UNC45A: variants seen among roughly 807,000 people sequenced by gnomAD.
UNC45A encodes the protein protein unc-45 homolog A.
UNC45A carries 78 observed loss-of-function variants against 103.2 expected under a neutral mutation model. The ratio of observed to expected loss-of-function variants is 0.76; its 90% confidence interval spans 0.63 to 0.91. The LOEUF is 0.91. Ranked by LOEUF, UNC45A falls within the 40% of genes least tolerant of loss-of-function variation. The pLI, the probability that UNC45A is intolerant of heterozygous loss-of-function variation, is 0.00. For synonymous variants in UNC45A, 495 were observed against 504.6 expected (o/e 0.98, Z 0.25); for missense variants, 1,193 against 1,224.8 (o/e 0.97, Z 0.39).
upstream of UNC45A, chr15:90,934,806 T>G (rs1249855448): frequency 1.2e-5 from 5 of 403,716 alleles, no homozygotes; most frequent in African/African-American, 6.2e-5. Flanking sequence ...TATGCAAATG[T>G]GTGTATGTAA....
chr15:90,945,628 T>C (rs909928413), intron 9 of UNC45A, among the ~76,000 whole-genome samples: 23 of 133,154 alleles, frequency 1.7e-4, no homozygotes, highest in Non-Finnish European at 2.5e-4. Context: ...CCCAAAGTGC[T>C]GGGATTTTTT....
intron 8 of UNC45A, among the ~76,000 whole-genome samples, chr15:90,944,291 G>T (rs1422312527): frequency 6.6e-6 from 1 of 151,942 alleles, no homozygotes; most frequent in Non-Finnish European, 1.5e-5. Context: ...GGAGGCTGAG[G>T]CAGGAGAATC....
chr15:90,949,740 C>A lies in UNC45A; in HGVS notation c.2073+20C>A. Reference sequence around the variant, plus strand: ...GGCAGGGTAAGCTGGTTTACACACCCCTTCCTGATGGCTGAGCCATCAGCC... The same window carrying A: ...GGCAGGGTAAGCTGGTTTACACACCACTTCCTGATGGCTGAGCCATCAGCC... On this transcript the variant is annotated intron_variant, in intron 15 of 19. Transcript: ENST00000418476. The A allele has an allele frequency of 6.2e-7, 1 of 1,613,312 alleles. No homozygotes were observed. The highest frequency in any genetic ancestry group is 8.5e-7 in the Non-Finnish European group (1 of 1,179,380).
intron 15 of UNC45A, 96 bp downstream of exon 15, chr15:90,949,816 G>A (rs2036792349): frequency 4.5e-6 from 6 of 1,324,686 alleles, no homozygotes; most frequent in Non-Finnish European, 6.5e-6. Context: ...GTTAGATATG[G>A]AACAGAAAAA....
chr15:90,946,816 G>T lies in UNC45A; in HGVS notation c.1402G>T (p.Ala468Ser), dbSNP rs1455568048. ...VEALIHAAGK[A>S]KRASFITANG... ...GGCTCTGATCCATGCAGCCGGCAAG[G>T]CTAAGCGGGCCTCATTCATCACTGC... Residue 468 changes from alanine (A) to serine (S), a missense_variant, in exon 10 of 20, where the codon GCT becomes TCT. By Grantham distance (99) the Ala-to-Ser change is moderately conservative. Transcript: ENST00000418476. 11 of 1,614,108 alleles carry T rather than the reference G, an allele frequency of 6.8e-6. No individual in the cohort carries two copies. The highest frequency in any genetic ancestry group is 9.3e-6 in the Non-Finnish European group (11 of 1,180,048).
chr15:90,951,031 G>A (rs1241900716), intron 17 of UNC45A, among the ~76,000 whole-genome samples: 4 of 152,164 alleles, frequency 2.6e-5, no homozygotes, highest in South Asian at 2.1e-4. Flanking sequence ...TCTTTGAGAC[G>A]GAGTCTTGCT....
chr15:90,932,498 C>A, upstream of UNC45A: 1 of 1,304,160 alleles, frequency 7.7e-7, no homozygotes, highest in African/African-American at 1.5e-5. Flanking sequence ...TTGCGAGCCG[C>A]GAAGTCGGCA....
In UNC45A at chr15:90,940,484, T is replaced by C; in HGVS notation, c.687+11T>C. ...GAGCATCAGTCACGGGTAGGTGGAG[T>C]GGAGAGGCTGGTTACAGCTTCAGTC... On this transcript the variant is annotated intron_variant, in intron 6 of 19. Coordinates refer to ENST00000418476, the MANE Select transcript of UNC45A (RefSeq NM_018671.5). 1 of 1,605,630 alleles carries C rather than the reference T, an allele frequency of 6.2e-7. No individual in the cohort carries two copies. Among genetic ancestry groups the C allele is most frequent in the Non-Finnish European group, 8.5e-7 (1 of 1,174,300 alleles).
Position 90,954,034 on chromosome 15 carries a change from C to A in UNC45A, c.*318C>A. ...CTGGAAGGGCGCACACATCAGCAGC[C>A]TCACCAGCTGTGAGCCTGCTATCAG... On this transcript the variant is annotated 3_prime_UTR_variant, in exon 20 of 20. Coordinates refer to ENST00000418476, the MANE Select transcript of UNC45A (RefSeq NM_018671.5). 1 of 388,688 alleles carries A rather than the reference C, an allele frequency of 2.6e-6. No individual in the cohort carries two copies. The highest frequency in any genetic ancestry group is 2.6e-5 in the South Asian group (1 of 38,036). The allele number at this position is 388,688 out of a possible 1,614,324, so 24.1% of individuals were successfully genotyped here. A position where few individuals can be genotyped will look rare whatever the true frequency, so the allele number is the denominator to read the frequency against.
rs532487517 is a variant in UNC45A, at chr15:90,944,828, C to T, written c.1028-64C>T. ...CTTTTCTCCACATCTCCTAGGAAGC[C>T]TGTTTCTTTTACTTGTAGGGGTTGG... On this transcript the variant is annotated intron_variant, in intron 8 of 19. Coordinates refer to ENST00000418476, the MANE Select transcript of UNC45A (RefSeq NM_018671.5). The T allele has an allele frequency of 1.0e-5, 16 of 1,546,840 alleles. No homozygotes were observed. In the Admixed American group the frequency reaches 2.8e-4, roughly 27 times the overall value.
At chr15:90,952,780 A>T in intron 17 of UNC45A, 149 bp from the exon 18 acceptor site, 2 of 670,236 alleles carry the variant, frequency 3.0e-6, no homozygotes, top group South Asian at 3.6e-5. Context: ...TATCACGAGG[A>T]TAGCACCAAG....
chr15:90,935,528 C>G lies in UNC45A; in HGVS notation c.52-16C>G. On this transcript the variant is annotated splice_polypyrimidine_tract_variant and intron_variant, in intron 1 of 19. Transcript: ENST00000418476. ...CCGAACCCCCTCCGACGTTTCCGCCCCCTTTCTCTCTACAGGCCAGCTCAG... is the reference window on the plus strand; with the variant it reads ...CCGAACCCCCTCCGACGTTTCCGCCGCCTTTCTCTCTACAGGCCAGCTCAG... 12 of 1,583,350 alleles carry G rather than the reference C, an allele frequency of 7.6e-6. No homozygotes were observed. Among genetic ancestry groups the G allele is most frequent in the Non-Finnish European group, 1.0e-5 (12 of 1,163,418 alleles).
chr15:90,942,295 C>A, intron 6 of UNC45A, 142 bp from the exon 7 acceptor site: 1 of 931,348 alleles, frequency 1.1e-6, no homozygotes, highest in Non-Finnish European at 1.6e-6. Context: ...TCATGCCATC[C>A]ATTCTGTGTT....
Position 90,942,977 on chromosome 15 carries a change from T to C in UNC45A, c.922T>C (p.Ser308Pro), listed in dbSNP as rs773595615. 6.2e-7 allele frequency: 1 copy of C among 1,614,196 alleles called. No individual in the cohort carries two copies. The highest frequency in any genetic ancestry group is 8.5e-7 in the Non-Finnish European group (1 of 1,180,018). Residue 308 changes from serine (S) to proline (P), a missense_variant, in exon 8 of 20, where the codon TCT becomes CCT. By Grantham distance (74) the Ser-to-Pro change is moderately conservative (BLOSUM62 -1). Transcript: ENST00000418476. ...AGATCTGCTGACAGAGGTGGGGGTCTCTGGCCAAGGCCGAGACAATGCCCT... is the reference window on the plus strand; with the variant it reads ...AGATCTGCTGACAGAGGTGGGGGTCCCTGGCCAAGGCCGAGACAATGCCCT... Reference protein sequence around the residue: ...LLDLLTEVGVSGQGRDNALTL... With the variant: ...LLDLLTEVGVPGQGRDNALTL...
Position 90,942,907 on chromosome 15 carries a change from G to A in UNC45A, c.857-5G>A. On this transcript the variant is annotated splice_region_variant and splice_polypyrimidine_tract_variant and intron_variant, in intron 7 of 19. Coordinates refer to ENST00000418476, the MANE Select transcript of UNC45A (RefSeq NM_018671.5). ...AGCCCACTGATGTCTTCTTGTTGTT[G>A]CCAGATCCTGCCCGGGAGCTGAAGG... 1 of 1,600,816 alleles carries A rather than the reference G, an allele frequency of 6.2e-7. No homozygotes were observed. Among genetic ancestry groups the A allele is most frequent in the Non-Finnish European group, 8.5e-7 (1 of 1,171,258 alleles).
At position 90,942,578 on chromosome 15, in the gene UNC45A, C is replaced by A. The variant is rs376112577; in HGVS notation, c.829C>A (p.Arg277=). The change falls in exon 7 of 20, where the codon CGA becomes AGA. Residue 277 remains arginine, a synonymous_variant. Transcript: ENST00000418476. ...CAAGGAAGGTGTCAAAAAAGGCTTC[C>A]GAGGCAAAGAAGGTGCCATCATTGT... is the stretch of plus-strand genomic sequence containing the variant. ...ALKEGVKKGF[R]GKEGAIIVDP... 2 of 1,614,148 alleles carry A rather than the reference C, an allele frequency of 1.2e-6. No individual in the cohort carries two copies. The highest frequency in any genetic ancestry group is 4.5e-5 in the East Asian group (2 of 44,886).
chr15:90,931,150 T>C, upstream of UNC45A: 2 of 1,195,872 alleles, frequency 1.7e-6, no homozygotes, highest in African/African-American at 1.5e-5. Context: ...AATGCAAGTC[T>C]TTTTTTGGCC....
rs368957188 is a variant in UNC45A, at chr15:90,947,900, C to A, written c.1595+10C>A. ...CTAAGCAGTGTCGAAAGTGAGTCAT[C>A]TGGCCTTGCTGTGGTTCCCCACCTG... On this transcript the variant is annotated intron_variant, in intron 11 of 19. Coordinates refer to ENST00000418476, the MANE Select transcript of UNC45A (RefSeq NM_018671.5). 1.1e-5 allele frequency: 17 copies of A among 1,611,166 alleles called. No homozygotes were observed. In the African/African-American group the frequency reaches 1.6e-4, roughly 15 times the overall value.
chr15:90,932,181 G>A (rs114863118), upstream of UNC45A: 261 of 1,487,066 alleles, frequency 1.8e-4, no homozygotes, highest in African/African-American at 3.1e-3. Flanking sequence ...GGGTTTTGGA[G>A]AGCCAGATGT....
Sources: gnomAD v4.1 joint callset for allele counts (sites outside exome capture counted in the v4.1 genomes callset) on GRCh38, gnomAD v4.1.1 for gene constraint, MANE v1.5 for transcripts, NCBI Gene and HGNC (gene_info 2026-07-23, HGNC 2026-07-21) for gene names.